STEAP2: variants seen among roughly 807,000 people sequenced by gnomAD.
STEAP2 encodes metalloreductase STEAP2.
Under a neutral mutation model 46.4 loss-of-function variants are expected in STEAP2, and 30 were observed. The ratio of observed to expected loss-of-function variants is 0.65; its 90% CI spans 0.48 to 0.88. The LOEUF is 0.88. STEAP2 is among the 40% of genes least tolerant of loss of function. The pLI is 0.00. For synonymous variants in STEAP2, 180 were observed against 200.5 expected (o/e 0.90, Z 0.86); for missense variants, 513 against 579.3 (o/e 0.89, Z 1.18).
At position 90,234,000 on chromosome 7, in the gene STEAP2, G is replaced by A; in HGVS notation, c.*1376G>A. ...CAGTCCATATGCCTCCCTATGCAGT[G>A]AAGGGCCCTAGCAGTGTTAACAAAT... On this transcript the variant is annotated 3_prime_UTR_variant, in exon 6 of 6. Transcript: ENST00000394621. 1 of 985,400 alleles carries A rather than the reference G, an allele frequency of 1.0e-6. No homozygotes were observed. The highest frequency in any genetic ancestry group is 1.2e-6 in the Non-Finnish European group (1 of 829,936). 61.0% of individuals were successfully genotyped at this position (985,400 alleles called of 1,614,324 possible). A position where few individuals can be genotyped will look rare whatever the true frequency, so the allele number is the denominator to read the frequency against.
At chr7:90,237,989 T>C (rs1216122840), downstream of STEAP2, 5 of 705,576 alleles carry the variant, frequency 7.1e-6, no homozygotes, top group African/African-American at 8.8e-5. Context: ...AGAGATATTA[T>C]AATAAATAAT....
intron 2 of STEAP2, among the ~76,000 whole-genome samples, chr7:90,220,658 T>C (rs1203693664): frequency 6.6e-6 from 1 of 152,176 alleles, no homozygotes; most frequent in African/African-American, 2.4e-5. Context: ...TTACTTTCCT[T>C]TTACCAATTT....
In STEAP2 at chr7:90,234,198, A is replaced by T. The variant is rs1194581722; in HGVS notation, c.*1574A>T. Reference sequence around the variant, plus strand: ...ATCTACTCTAGAGACATATAATCATACAGATTATTCATAAAATTTTTCAGT... The same window carrying T: ...ATCTACTCTAGAGACATATAATCATTCAGATTATTCATAAAATTTTTCAGT... On this transcript the variant is annotated 3_prime_UTR_variant, in exon 6 of 6. Transcript: ENST00000394621. 1.0e-6 allele frequency: 1 copy of T among 984,880 alleles called. No homozygotes were observed. Among genetic ancestry groups the T allele is most frequent in the Non-Finnish European group, 1.2e-6 (1 of 829,532 alleles). The allele number at this position is 984,880 out of a possible 1,614,324, so 61.0% of individuals were successfully genotyped here.
chr7:90,225,519 T>A lies in STEAP2; in HGVS notation c.437T>A (p.Phe146Tyr). The change falls in exon 3 of 6, where the codon TTT becomes TAT. Residue 146 changes from phenylalanine to tyrosine, a missense_variant. Transcript: ENST00000394621. ...LFPDSLIVKG[F>Y]NVVSAWALQL... is the part of the protein sequence containing the mutation. ...CCAGATTCTTTGATTGTCAAAGGAT[T>A]TAATGTTGTCTCAGCTTGGGCACTT... 1 of 1,613,460 alleles carries A rather than the reference T, an allele frequency of 6.2e-7. No individual in the cohort carries two copies. Among genetic ancestry groups the A allele is most frequent in the Non-Finnish European group, 8.5e-7 (1 of 1,179,724 alleles).
downstream of STEAP2, among the ~76,000 whole-genome samples, chr7:90,238,766 T>G (rs552815839): frequency 2.1e-4 from 32 of 152,208 alleles, no homozygotes; most frequent in African/African-American, 7.7e-4. Flanking sequence ...GTACTTTTGG[T>G]AGTGGATTCT....
Position 90,235,199 on chromosome 7 carries a change from A to T in STEAP2, c.*2575A>T, listed in dbSNP as rs1795920691. On this transcript the variant is annotated 3_prime_UTR_variant, in exon 6 of 6. Coordinates refer to ENST00000394621, the MANE Select transcript of STEAP2 (RefSeq NM_001244944.2). ...TTACAGATAAATGGGGCCTTTAAAA[A>T]TATGAAAAACAAACTTGTGAAAATG... 4.1e-6 allele frequency: 4 copies of T among 982,602 alleles called. No individual in the cohort carries two copies. Among genetic ancestry groups the T allele is most frequent in the Non-Finnish European group, 4.8e-6 (4 of 827,302 alleles). 60.9% of individuals were successfully genotyped at this position (982,602 alleles called of 1,614,324 possible). A position where few individuals can be genotyped will look rare whatever the true frequency, so the allele number is the denominator to read the frequency against.
chr7:90,242,305 A>T (rs1395878496), downstream of STEAP2, among the ~76,000 whole-genome samples: 1 of 152,176 alleles, frequency 6.6e-6, no homozygotes, highest in African/African-American at 2.4e-5. Flanking sequence ...TAAATATCCC[A>T]TTGTTCACTA....
rs117574645 is a variant in STEAP2 at position 90,220,385 on chromosome 7, C to G, written c.-34+3782C>G. Among the ~76,000 whole-genome samples the G allele has an allele frequency of 9.7e-3, 1,482 of 152,232 alleles. 11 individuals carry two copies. Among genetic ancestry groups the G allele is most frequent in the Non-Finnish European group, 0.016 (1,060 of 67,998 alleles). On this transcript the variant is annotated intron_variant, in intron 2 of 5. Coordinates refer to ENST00000394621, the MANE Select transcript of STEAP2 (RefSeq NM_001244944.2). ...AGCTTGTATATGTGTAGCAGTTTAT[C>G]CATTTCCTCTAGGTTTTCCAGTTTG...
At chr7:90,237,971 G>A (rs1424549854), downstream of STEAP2, 1 of 675,672 alleles carries the variant, frequency 1.5e-6, no homozygotes, top group Non-Finnish European at 2.7e-6. Flanking sequence ...ATCTATGATG[G>A]ATACTAAAGA....
intron 1 of STEAP2, chr7:90,216,195 C>T (rs1271103438): frequency 6.6e-6 from 1 of 152,160 alleles, no homozygotes; most frequent in Non-Finnish European, 1.5e-5. Context: ...GAATGTCTAA[C>T]CTCCCTCTAG....
intron 1 of STEAP2, among the ~76,000 whole-genome samples, chr7:90,215,120 G>GT (rs1448900534): frequency 6.6e-6 from 1 of 152,182 alleles, no homozygotes; most frequent in East Asian, 1.9e-4. Flanking sequence ...GGAGCTGGGT[G>GT]TTTGCAGGAG....
At chr7:90,213,095 A>T in intron 1 of STEAP2, among the ~76,000 whole-genome samples, 1 of 152,192 alleles carries the variant, frequency 6.6e-6, no homozygotes, top group Admixed American at 6.5e-5. Context: ...AATTTGCAGG[A>T]TGTTTAGAAA....
intron 3 of STEAP2, among the ~76,000 whole-genome samples, chr7:90,226,661 T>G (rs1232239059): frequency 6.6e-6 from 1 of 152,132 alleles, no homozygotes; most frequent in African/African-American, 2.4e-5. Flanking sequence ...TTCAGGGATA[T>G]ATTTAGGAAT....
At position 90,232,584 on chromosome 7, in the gene STEAP2, C is replaced by T. The variant is rs755322684; in HGVS notation, c.1433C>T (p.Thr478Ile). The change falls in exon 6 of 6, where the codon ACA (threonine) becomes ATA (isoleucine). Residue 478 changes from threonine to isoleucine, a missense_variant. Transcript: ENST00000394621. ...TTTCTGGAAGAAGGTATGGGAGGAA[C>T]AATTCCTCATGTCTCCCCGGAGAGG... ...SQFLEEGMGG[T>I]IPHVSPERVT... 169 of 1,612,688 alleles carry T rather than the reference C, an allele frequency of 1.0e-4. No homozygotes were observed. Among genetic ancestry groups the T allele is most frequent in the Non-Finnish European group, 1.4e-4 (162 of 1,179,200 alleles).
chr7:90,236,568 G>GT lies in STEAP2; in HGVS notation c.*3949dup, dbSNP rs571747721. 6.6e-4 allele frequency: 697 copies of GT among 1,050,570 alleles called. 5 individuals carry two copies. In the African/African-American group the frequency reaches 0.011, roughly 17 times the overall value. 65.1% of individuals were successfully genotyped at this position (1,050,570 alleles called of 1,614,324 possible). A position where few individuals can be genotyped will look rare whatever the true frequency, so the allele number is the denominator to read the frequency against. ...AATAATTTCAGTGGAAACTCAATCT[G>GT]TTTTTACCTTTAAACAGTGAATTTT... On this transcript the variant is annotated 3_prime_UTR_variant, in exon 6 of 6. Coordinates refer to ENST00000394621, the MANE Select transcript of STEAP2 (RefSeq NM_001244944.2).
Position 90,234,585 on chromosome 7 carries a change from C to G in STEAP2, c.*1961C>G, listed in dbSNP as rs1795889512. ...TTTTTTTTAAAGACAGAGTCTTGCT[C>G]TGTCACCCAGGCTGGAGTGCAGTGG... On this transcript the variant is annotated 3_prime_UTR_variant, in exon 6 of 6. Transcript: ENST00000394621. The G allele has an allele frequency of 1.1e-6, 1 of 924,128 alleles. No individual in the cohort carries two copies. Among genetic ancestry groups the G allele is most frequent in the Non-Finnish European group, 1.3e-6 (1 of 787,200 alleles). 57.2% of individuals were successfully genotyped at this position (924,128 alleles called of 1,614,324 possible). A position where few individuals can be genotyped will look rare whatever the true frequency, so the allele number is the denominator to read the frequency against.
chr7:90,213,449 CAGG>C (rs1030410715), intron 1 of STEAP2, among the ~76,000 whole-genome samples: 17 of 152,144 alleles, frequency 1.1e-4, no homozygotes, highest in African/African-American at 3.6e-4. Flanking sequence ...CATAGGACAT[CAGG>C]AGATGTATTT....
At chr7:90,227,620 G>A in intron 4 of STEAP2, 122 bp downstream of exon 4, 1 of 934,410 alleles carries the variant, frequency 1.1e-6, no homozygotes, top group Non-Finnish European at 1.5e-6. Flanking sequence ...CTGCGGGAGG[G>A]GAAAGAATTG....
intron 3 of STEAP2, 91 bp downstream of exon 3, chr7:90,225,665 C>T (rs1343752808): frequency 2.2e-6 from 3 of 1,347,268 alleles, no homozygotes; most frequent in Non-Finnish European, 2.0e-6. Context: ...CAAACTCTGA[C>T]ACTTTCCAAT....
Sources: gnomAD v4.1 joint callset for allele counts (sites outside exome capture counted in the v4.1 genomes callset) on GRCh38, gnomAD v4.1.1 for gene constraint, MANE v1.5 for transcripts, NCBI Gene and HGNC (gene_info 2026-07-23, HGNC 2026-07-21) for gene names.